CLPB: variants seen among roughly 807,000 people sequenced by gnomAD.
CLPB encodes mitochondrial disaggregase.
CLPB carries 40 observed loss-of-function variants against 78.4 expected under a neutral mutation model. The ratio of observed to expected loss-of-function variants is 0.51; its 90% CI spans 0.40 to 0.66. CLPB has a LOEUF of 0.66. Ranked by LOEUF, CLPB falls within the 30% of genes least tolerant of loss-of-function variation. The probability of loss-of-function intolerance (pLI) is 0.00; values close to 1 mark genes in which losing one functional copy is unlikely to be tolerated. For missense variants in CLPB, 780 were observed against 886.9 expected (o/e 0.88, Z 1.53); for synonymous variants, 333 against 348.0 (o/e 0.96, Z 0.48).
intron 6 of CLPB, among the ~76,000 whole-genome samples, chr11:72,320,187 C>T (rs1023500980): frequency 5.3e-5 from 8 of 152,240 alleles, no homozygotes; most frequent in East Asian, 1.9e-4. Context: ...TGGGGCCTCA[C>T]ATAACGTATC....
At chr11:72,299,838 A>G (rs936066901) in intron 11 of CLPB, among the ~76,000 whole-genome samples, 2 of 152,182 alleles carry the variant, frequency 1.3e-5, no homozygotes, top group Non-Finnish European at 2.9e-5. Context: ...AGCTGCAGGA[A>G]GGAATTCCTA....
intron 5 of CLPB, among the ~76,000 whole-genome samples, chr11:72,349,132 A>G (rs1320333226): frequency 1.3e-5 from 2 of 152,262 alleles, no homozygotes; most frequent in Non-Finnish European, 1.5e-5. Context: ...ACAAAATATT[A>G]CAGTGAAAGG....
In CLPB at chr11:72,286,538, G is replaced by A. The variant is rs1199969105; in HGVS notation, c.*6829C>T. The A allele has an allele frequency of 2.0e-5, 3 of 152,004 alleles. No homozygotes were observed. Among genetic ancestry groups the A allele is most frequent in the Non-Finnish European group, 1.5e-5 (1 of 67,990 alleles). The allele number at this position is 152,004 out of a possible 1,614,324, so 9.4% of individuals were successfully genotyped here. On this transcript the variant is annotated 3_prime_UTR_variant, in exon 16 of 16. Coordinates refer to ENST00000538039, the MANE Select transcript of CLPB (RefSeq NM_001258392.3). ...GTCATCCAGGCTGGAGTGCAGTGGT[G>A]TGATGTAGGCTCACTACAACCTCTG...
chr11:72,333,970 T>G (rs1590808358), intron 5 of CLPB, among the ~76,000 whole-genome samples: 1 of 150,556 alleles, frequency 6.6e-6, no homozygotes, highest in African/African-American at 2.4e-5. Flanking sequence ...GAAGGGAGGG[T>G]TAGGGAGAGA....
At position 72,359,812 on chromosome 11, in the gene CLPB, A is replaced by G. The variant is rs548589712; in HGVS notation, c.647-804T>C. On this transcript the variant is annotated intron_variant, in intron 4 of 15. Coordinates refer to ENST00000538039, the MANE Select transcript of CLPB (RefSeq NM_001258392.3). ...CCTGTAAACATTTTTTGAAAGAAGA[A>G]CAAGCATTTCATGTGGTCAAAGAAC... is the stretch of plus-strand genomic sequence containing the variant. Among the ~76,000 whole-genome samples the G allele has an allele frequency of 3.3e-5, 5 of 152,308 alleles. No homozygotes were observed. In the East Asian group the frequency reaches 7.7e-4, roughly 23 times the overall value.
chr11:72,309,881 G>C (rs1460111647), intron 7 of CLPB, among the ~76,000 whole-genome samples: 1 of 152,038 alleles, frequency 6.6e-6, no homozygotes, highest in African/African-American at 2.4e-5. Flanking sequence ...AGTCAATGGG[G>C]AAAGATTTGA....
chr11:72,331,989 C>T (rs758871107), intron 5 of CLPB, among the ~76,000 whole-genome samples: 17 of 151,902 alleles, frequency 1.1e-4, no homozygotes, highest in South Asian at 2.1e-4. Flanking sequence ...AGCTCTATAG[C>T]GATGTGGGAG....
intron 5 of CLPB, among the ~76,000 whole-genome samples, chr11:72,331,180 G>A (rs1020494948): frequency 6.6e-6 from 1 of 151,904 alleles, no homozygotes; most frequent in East Asian, 1.9e-4. Context: ...CAAGGCAGGT[G>A]ATCACGAGGT....
chr11:72,386,564 G>C (rs978781607), intron 3 of CLPB, among the ~76,000 whole-genome samples: 2 of 152,082 alleles, frequency 1.3e-5, no homozygotes, highest in Non-Finnish European at 2.9e-5. Flanking sequence ...CTTGCTGAAC[G>C]AATGAAGGAA....
intron 5 of CLPB, among the ~76,000 whole-genome samples, chr11:72,349,206 G>A (rs1053169968): frequency 5.3e-5 from 8 of 152,170 alleles, no homozygotes; most frequent in African/African-American, 1.7e-4. Context: ...TCAGTACGGG[G>A]GAAGGGCTTG....
At chr11:72,302,453 C>A in intron 9 of CLPB, 105 bp from the exon 10 acceptor site, 1 of 930,766 alleles carries the variant, frequency 1.1e-6, no homozygotes, top group East Asian at 2.4e-5. Flanking sequence ...TCACACCACA[C>A]CAACATAAGA....
In CLPB at chr11:72,329,994, C is replaced by T. The variant is rs113096902; in HGVS notation, c.776-190G>A. 9.2e-3 allele frequency among the ~76,000 whole-genome samples: 1,407 copies of T among 152,264 alleles called. 14 individuals carry two copies. The highest frequency in any genetic ancestry group is 0.019 in the African/African-American group (790 of 41,554). ...CATGTTCGATAACATACTACACACA[C>T]GTAGATGTGTTATACATACACAAAC... is the stretch of plus-strand genomic sequence containing the variant. On this transcript the variant is annotated intron_variant, in intron 5 of 15. Coordinates refer to ENST00000538039, the MANE Select transcript of CLPB (RefSeq NM_001258392.3).
chr11:72,336,210 G>A (rs1259543085), intron 5 of CLPB, among the ~76,000 whole-genome samples: 2 of 152,106 alleles, frequency 1.3e-5, no homozygotes, highest in Non-Finnish European at 2.9e-5. Flanking sequence ...CCTCAAATAA[G>A]ATAATGTGTA....
chr11:72,416,884 T>G (rs1426849763), intron 2 of CLPB, among the ~76,000 whole-genome samples: 5 of 151,864 alleles, frequency 3.3e-5, no homozygotes, highest in Admixed American at 3.3e-4. Flanking sequence ...CCACACACAC[T>G]AGGTTTGCTG....
chr11:72,300,474 G>C (rs1949636024), intron 11 of CLPB, among the ~76,000 whole-genome samples: 1 of 152,220 alleles, frequency 6.6e-6, no homozygotes, highest in Non-Finnish European at 1.5e-5. Context: ...GAGTAACTGA[G>C]TATGTGACCT....
At chr11:72,324,100 G>A (rs761574520) in intron 6 of CLPB, among the ~76,000 whole-genome samples, 1 of 152,054 alleles carries the variant, frequency 6.6e-6, no homozygotes, top group Non-Finnish European at 1.5e-5. Flanking sequence ...AAAAATATCA[G>A]GATAATGCCT....
intron 5 of CLPB, among the ~76,000 whole-genome samples, chr11:72,357,646 A>G (rs1191548945): frequency 6.7e-6 from 1 of 149,258 alleles, no homozygotes; most frequent in Non-Finnish European, 1.5e-5. Context: ...CGGTAAGCCA[A>G]GATTGTGCCA....
chr11:72,341,109 C>G (rs901115324), intron 5 of CLPB, among the ~76,000 whole-genome samples: 3 of 152,172 alleles, frequency 2.0e-5, no homozygotes, highest in African/African-American at 7.2e-5. Flanking sequence ...CGTGAGCCAC[C>G]GCGCCTGGCA....
intron 2 of CLPB, among the ~76,000 whole-genome samples, chr11:72,424,919 A>G (rs1434901762): frequency 1.3e-5 from 2 of 151,930 alleles, no homozygotes; most frequent in Non-Finnish European, 2.9e-5. Flanking sequence ...AAAAACACAA[A>G]AAAAAACTTA....
Sources: allele counts gnomAD v4.1 joint callset (sites outside exome capture counted in the v4.1 genomes callset), GRCh38; gene constraint gnomAD v4.1.1; transcripts MANE v1.5; gene names NCBI Gene and HGNC (gene_info 2026-07-23, HGNC 2026-07-21).